The following DAB1 variants were observed in gnomAD, a reference collection of about 807,000 sequenced individuals.
The protein encoded by DAB1 is disabled homolog 1.
Under a neutral mutation model 64.6 loss-of-function variants are expected in DAB1, and 15 were observed. That is an observed-to-expected ratio of 0.23 (90% CI 0.16 to 0.36). DAB1 has a LOEUF of 0.36. Ranked by LOEUF, DAB1 falls within the 10% of genes least tolerant of loss-of-function variation. The pLI is 1.00. For synonymous variants in DAB1, 235 were observed against 251.9 expected, an observed-to-expected ratio of 0.93 and a Z score of 0.64; for missense variants, 596 against 706.7, an observed-to-expected ratio of 0.84 and a Z score of 1.78.
chr1:58,262,725 G>A (rs1049370559), intron 4 of DAB1, among the ~76,000 whole-genome samples: 9 of 152,110 alleles, frequency 5.9e-5, no homozygotes, highest in East Asian at 1.9e-4. Flanking sequence ...TTTTTGGCAC[G>A]TTAGGCACAA....
intron 7 of DAB1, among the ~76,000 whole-genome samples, chr1:57,500,218 G>GA (rs754018753): frequency 7.4e-4 from 113 of 152,110 alleles, no homozygotes; most frequent in Admixed American, 1.3e-3. Context: ...AGAGAAATGA[G>GA]AAAAAAAGAG....
chr1:57,422,806 A>T (rs1203183257), intron 1 of DAB1, among the ~76,000 whole-genome samples: 2 of 152,216 alleles, frequency 1.3e-5, no homozygotes, highest in East Asian at 3.9e-4. Context: ...CTCTCCAGGC[A>T]GCGATCCCTT....
intron 4 of DAB1, among the ~76,000 whole-genome samples, chr1:58,174,575 T>C (rs927691018): frequency 5.3e-5 from 8 of 152,182 alleles, no homozygotes; most frequent in Admixed American, 1.3e-4. Flanking sequence ...CCAACAGCAG[T>C]TGGGGTGTCC....
chr1:57,135,299 T>C (rs975469104), intron 4 of DAB1, among the ~76,000 whole-genome samples: 15 of 152,224 alleles, frequency 9.9e-5, no homozygotes, highest in Non-Finnish European at 1.9e-4. Flanking sequence ...CCATTCTACT[T>C]TCTGTCTTTA....
At chr1:57,776,751 T>C (rs562019010) in intron 6 of DAB1, among the ~76,000 whole-genome samples, 1 of 151,984 alleles carries the variant, frequency 6.6e-6, no homozygotes, top group South Asian at 2.1e-4. Context: ...CCCCCTTCTA[T>C]CTGTTGTAAT....
chr1:57,665,841 T>A (rs1356923176), intron 6 of DAB1, among the ~76,000 whole-genome samples: 26 of 131,062 alleles, frequency 2.0e-4, no homozygotes, highest in South Asian at 2.5e-4. Flanking sequence ...CCCTTTTTTT[T>A]TAATTATCTG....
chr1:57,484,633 G>A (rs1201085118), intron 7 of DAB1, among the ~76,000 whole-genome samples: 2 of 152,172 alleles, frequency 1.3e-5, no homozygotes, highest in Non-Finnish European at 2.9e-5. Context: ...AGATGTGGAG[G>A]AGGCAGTCTG....
In DAB1 at chr1:58,527,934, G is replaced by A. The variant is rs1035424871; in HGVS notation, n.33-599C>T. Among the ~76,000 whole-genome samples the A allele has an allele frequency of 2.6e-5, 4 of 152,170 alleles. No homozygotes were observed. The South Asian group carries it at 8.3e-4, about 31-fold the overall frequency. ...AATTTTCCTAATTACTTGTATTTAT[G>A]TGAATGCTTTCCAGTTAAATTCTAA... On this transcript the variant is annotated intron_variant and non_coding_transcript_variant, in intron 1 of 20. Transcript: ENST00000485760.
chr1:57,929,085 A>G (rs1319416659), intron 5 of DAB1, among the ~76,000 whole-genome samples: 1 of 152,200 alleles, frequency 6.6e-6, no homozygotes, highest in Non-Finnish European at 1.5e-5. Context: ...TGTTGTTGCA[A>G]ATCCTCTCCA....
At chr1:57,633,840 A>G (rs905981554) in intron 7 of DAB1, among the ~76,000 whole-genome samples, 2 of 152,238 alleles carry the variant, frequency 1.3e-5, no homozygotes, top group African/African-American at 4.8e-5. Context: ...GAGAATAGGT[A>G]CAAAGAAGCA....
chr1:57,420,593 T>C (rs1407962015), intron 1 of DAB1, among the ~76,000 whole-genome samples: 1 of 152,248 alleles, frequency 6.6e-6, no homozygotes, highest in Non-Finnish European at 1.5e-5. Context: ...GATTCAATCC[T>C]GGTCTTCCAA....
intron 6 of DAB1, among the ~76,000 whole-genome samples, chr1:57,704,854 G>T (rs1338572059): frequency 9.3e-6 from 1 of 108,092 alleles, no homozygotes; most frequent in Non-Finnish European, 2.1e-5. Flanking sequence ...ACTCTAAAAT[G>T]CCCTTGCTCT....
chr1:57,629,675 A>G (rs1028547964), intron 7 of DAB1, among the ~76,000 whole-genome samples: 2 of 151,996 alleles, frequency 1.3e-5, no homozygotes, highest in African/African-American at 4.8e-5. Flanking sequence ...TAGAGGCTCA[A>G]ATCTTTCACA....
intron 1 of DAB1, among the ~76,000 whole-genome samples, chr1:57,389,928 T>C (rs1682204038): frequency 6.6e-6 from 1 of 152,176 alleles, no homozygotes; most frequent in Non-Finnish European, 1.5e-5. Flanking sequence ...TATTCCTCAG[T>C]AAACGGTGAG....
At chr1:57,459,772 AC>A (rs1686719818) in intron 7 of DAB1, among the ~76,000 whole-genome samples, 2 of 152,058 alleles carry the variant, frequency 1.3e-5, no homozygotes, top group African/African-American at 4.8e-5. Flanking sequence ...TTCTCATGCC[AC>A]TCTGCCCACA....
chr1:58,420,444 T>C (rs1405654053), intron 3 of DAB1, among the ~76,000 whole-genome samples: 1 of 152,198 alleles, frequency 6.6e-6, no homozygotes, highest in African/African-American at 2.4e-5. Context: ...CTCTCATCCT[T>C]CTGGAGGTAA....
intron 1 of DAB1, among the ~76,000 whole-genome samples, chr1:57,857,664 G>A (rs973619577): frequency 6.6e-6 from 1 of 152,100 alleles, no homozygotes; most frequent in Non-Finnish European, 1.5e-5. Flanking sequence ...GATGGACGTA[G>A]GCAGGAGTTA....
intron 2 of DAB1, among the ~76,000 whole-genome samples, chr1:58,522,557 C>A (rs1235027963): frequency 6.6e-6 from 1 of 151,986 alleles, no homozygotes. Context: ...TTGGCTATTG[C>A]AATAAAGCAA....
chr1:57,099,566 T>A (rs1654481178), intron 4 of DAB1, among the ~76,000 whole-genome samples: 2 of 152,216 alleles, frequency 1.3e-5, no homozygotes, highest in Non-Finnish European at 2.9e-5. Flanking sequence ...TCCTTAGTAC[T>A]TCTGGGGTTC....
Sources: gnomAD v4.1 joint callset for allele counts (sites outside exome capture counted in the v4.1 genomes callset) on GRCh38, gnomAD v4.1.1 for gene constraint, MANE v1.5 for transcripts, NCBI Gene and HGNC (gene_info 2026-07-23, HGNC 2026-07-21) for gene names.